Variants in PBX1 observed in about 807,000 individuals in gnomAD.
PBX1 encodes the protein pre-B-cell leukemia transcription factor 1.
In PBX1, 6 loss-of-function variants were observed where a neutral mutation model predicts 53.4. The ratio of observed to expected loss-of-function variants is 0.11; its 90% CI spans 0.06 to 0.22. The LOEUF (loss-of-function observed/expected upper bound fraction) is 0.22, where lower values mean the gene tolerates loss of function less well. Ranked by LOEUF, PBX1 falls within the 10% of genes least tolerant of loss-of-function variation. The pLI is 1.00. For missense variants in PBX1, 251 were observed against 551.4 expected (o/e 0.46, Z 5.46); for synonymous variants, 204 against 212.3 (o/e 0.96, Z 0.34).
intron 6 of PBX1, chr1:164,813,221 T>G (rs1669707624): frequency 6.6e-6 from 1 of 152,196 alleles, no homozygotes; most frequent in Non-Finnish European, 1.5e-5. Flanking sequence ...TGCATAAATT[T>G]GTTATGATAA....
At chr1:164,809,972 A>T (rs1477308619) in intron 5 of PBX1, among the ~76,000 whole-genome samples, 1 of 152,200 alleles carries the variant, frequency 6.6e-6, no homozygotes. Flanking sequence ...AATTTGTTTT[A>T]ACAACTTCCC....
intron 2 of PBX1, among the ~76,000 whole-genome samples, chr1:164,706,176 A>G (rs1231842502): frequency 6.6e-6 from 1 of 152,128 alleles, no homozygotes; most frequent in Non-Finnish European, 1.5e-5. Context: ...GAGCGGTGTT[A>G]GCCATATACT....
intron 8 of PBX1, among the ~76,000 whole-genome samples, chr1:164,824,199 T>C (rs1025826997): frequency 2.6e-5 from 4 of 152,206 alleles, no homozygotes; most frequent in African/African-American, 9.6e-5. Context: ...ACCCATATCT[T>C]ATCCAAGCAG....
chr1:164,589,870 GAAAAAT>G (rs1232801137), intron 2 of PBX1, among the ~76,000 whole-genome samples: 1 of 152,200 alleles, frequency 6.6e-6, no homozygotes, highest in Non-Finnish European at 1.5e-5. Context: ...GTTTGTCAGA[GAAAAAT>G]AAATATCTTA....
intron 2 of PBX1, among the ~76,000 whole-genome samples, chr1:164,596,430 A>G (rs1655763105): frequency 6.6e-6 from 1 of 152,164 alleles, no homozygotes; most frequent in Non-Finnish European, 1.5e-5. Flanking sequence ...GTTTCAACCC[A>G]TATATTTAGA....
intron 2 of PBX1, among the ~76,000 whole-genome samples, chr1:164,643,032 C>T (rs1191878785): frequency 6.6e-6 from 1 of 152,112 alleles, no homozygotes; most frequent in African/African-American, 2.4e-5. Flanking sequence ...GCCTCCTGGG[C>T]ATTAATTCTG....
At chr1:164,876,650 A>C (rs932518515) in intron 2 of PBX1, among the ~76,000 whole-genome samples, 12 of 152,076 alleles carry the variant, frequency 7.9e-5, no homozygotes, top group Non-Finnish European at 1.6e-4. Context: ...CAGCACATTA[A>C]GGTAATAGAA....
At chr1:164,873,910 A>G (rs1672440985) in intron 2 of PBX1, among the ~76,000 whole-genome samples, 1 of 152,144 alleles carries the variant, frequency 6.6e-6, no homozygotes, top group Non-Finnish European at 1.5e-5. Flanking sequence ...AGGAGTAAAT[A>G]CATTTTTACT....
At chr1:164,560,037 C>G in intron 1 of PBX1, 24 bp downstream of exon 1, 1 of 1,334,936 alleles carries the variant, frequency 7.5e-7, no homozygotes, top group African/African-American at 1.5e-5. Context: ...TTTTCTTTTC[C>G]TTTCTTGGGG....
Position 164,559,492 on chromosome 1 carries a change from C to G in PBX1, c.-331C>G. 1 of 298,348 alleles carries G rather than the reference C, an allele frequency of 3.4e-6. No individual in the cohort carries two copies. Among genetic ancestry groups the G allele is most frequent in the Non-Finnish European group, 6.2e-6 (1 of 162,550 alleles). 18.5% of individuals were successfully genotyped at this position (298,348 alleles called of 1,614,324 possible). A position where few individuals can be genotyped will look rare whatever the true frequency, so the allele number is the denominator to read the frequency against. ...TGCAAAGGAGACCGGACTGAAAAAC[C>G]TAAAGCCAGCTCTGATTTCTTTTCG... On this transcript the variant is annotated 5_prime_UTR_variant, in exon 1 of 9. Coordinates refer to ENST00000420696, the MANE Select transcript of PBX1 (RefSeq NM_002585.4).
At chr1:164,578,459 A>G (rs1654404195) in intron 2 of PBX1, among the ~76,000 whole-genome samples, 1 of 152,210 alleles carries the variant, frequency 6.6e-6, no homozygotes, top group Non-Finnish European at 1.5e-5. Context: ...GATGGGACTG[A>G]AGAGTCTTTA....
At chr1:164,876,813 A>T (rs1276041422) in intron 2 of PBX1, among the ~76,000 whole-genome samples, 1 of 152,164 alleles carries the variant, frequency 6.6e-6, no homozygotes, top group African/African-American at 2.4e-5. Context: ...GATTTATCAC[A>T]GCCCCCAAAT....
At chr1:164,695,464 A>G (rs1662753723) in intron 2 of PBX1, among the ~76,000 whole-genome samples, 2 of 152,040 alleles carry the variant, frequency 1.3e-5, no homozygotes, top group Non-Finnish European at 2.9e-5. Flanking sequence ...CCTACTAGCG[A>G]TTTCTTGTAC....
chr1:164,592,807 C>G (rs16832943), intron 2 of PBX1, among the ~76,000 whole-genome samples: 3 of 152,308 alleles, frequency 2.0e-5, no homozygotes, highest in Middle Eastern at 6.8e-3. Context: ...CAGGCTCCCA[C>G]GCGCTGGCCT....
chr1:164,561,944 T>C (rs1653079504), intron 1 of PBX1, among the ~76,000 whole-genome samples: 1 of 152,090 alleles, frequency 6.6e-6, no homozygotes, highest in Non-Finnish European at 1.5e-5. Flanking sequence ...TTAAAGTATT[T>C]TCCATCTTTT....
chr1:164,612,702 G>A (rs184778893), intron 2 of PBX1, among the ~76,000 whole-genome samples: 4 of 152,220 alleles, frequency 2.6e-5, no homozygotes, highest in Admixed American at 2.0e-4. Context: ...TGCCCTAGGC[G>A]GAGGAAGAGA....
intron 1 of PBX1, chr1:164,560,546 C>T (rs1652965056): frequency 1.5e-5 from 2 of 136,866 alleles, no homozygotes; most frequent in African/African-American, 3.3e-5. Flanking sequence ...ATCTTTTCTC[C>T]TTTCTTCCCC....
chr1:164,684,796 T>A (rs983117803), intron 2 of PBX1: 7 of 152,232 alleles, frequency 4.6e-5, no homozygotes, highest in Admixed American at 1.3e-4. Context: ...GCACTGTGTT[T>A]GACGATAGCA....
intron 2 of PBX1, among the ~76,000 whole-genome samples, chr1:164,746,057 A>G (rs1235628704): frequency 6.6e-6 from 1 of 152,228 alleles, no homozygotes; most frequent in African/African-American, 2.4e-5. Flanking sequence ...ACATTAGTAC[A>G]TGTATATTTT....
Sources: gnomAD v4.1 joint callset for allele counts (sites outside exome capture counted in the v4.1 genomes callset) on GRCh38, gnomAD v4.1.1 for gene constraint, MANE v1.5 for transcripts, NCBI Gene and HGNC (gene_info 2026-07-23, HGNC 2026-07-21) for gene names.